Variants in PDE9A observed in about 807,000 individuals in gnomAD.
PDE9A encodes phosphodiesterase 9A, also known as high affinity cGMP-specific 3',5'-cyclic phosphodiesterase 9A.
In PDE9A, 60 loss-of-function variants were observed where a neutral mutation model predicts 87.4. That is an observed-to-expected ratio of 0.69 (90% CI 0.56 to 0.85). PDE9A has a LOEUF of 0.85. Among genes scored for constraint, PDE9A ranks in the 40% least tolerant of loss-of-function variants. The pLI is 0.00. For missense variants in PDE9A, 665 were observed against 779.0 expected (o/e 0.85, Z 1.74); for synonymous variants, 272 against 279.4 (o/e 0.97, Z 0.27).
intron 7 of PDE9A, among the ~76,000 whole-genome samples, chr21:42,742,456 G>GA (rs2053399894): frequency 8.4e-6 from 1 of 119,472 alleles, no homozygotes; most frequent in Non-Finnish European, 1.7e-5. Flanking sequence ...GAAGCTGTCT[G>GA]CTTTTTTTTT....
In PDE9A at chr21:42,760,706, C is replaced by T; in HGVS notation, c.1003-119C>T. ...TCCTCTCCCACCATGCCAGGAGATG[C>T]CAGATGGCTGCAGGGGCCTTTGTCC... On this transcript the variant is annotated intron_variant, in intron 12 of 19. Coordinates refer to ENST00000291539, the MANE Select transcript of PDE9A (RefSeq NM_002606.3). The surrounding 1 kb of genome is among the most constrained non-coding windows in gnomAD (Gnocchi z 5.2). The T allele has an allele frequency of 8.4e-6, 6 of 711,892 alleles. No homozygotes were observed. Among genetic ancestry groups the T allele is most frequent in the Non-Finnish European group, 1.5e-5 (6 of 392,252 alleles). 44.1% of individuals were successfully genotyped at this position (711,892 alleles called of 1,614,324 possible). A position where few individuals can be genotyped will look rare whatever the true frequency, so the allele number is the denominator to read the frequency against.
intron 1 of PDE9A, among the ~76,000 whole-genome samples, chr21:42,661,442 A>C (rs550999250): frequency 9.3e-6 from 1 of 106,974 alleles, no homozygotes; most frequent in Non-Finnish European, 1.7e-5. Context: ...TTCTATCTCC[A>C]TGAAACTGCT....
At chr21:42,678,729 C>A (rs149100385) in intron 1 of PDE9A, among the ~76,000 whole-genome samples, 74 of 152,390 alleles carry the variant, frequency 4.9e-4, no homozygotes, top group Middle Eastern at 3.4e-3. Flanking sequence ...CGGCAAACAG[C>A]ATCGGATGTG....
At chr21:42,684,547 A>G (rs1296932400) in intron 1 of PDE9A, among the ~76,000 whole-genome samples, 3 of 152,190 alleles carry the variant, frequency 2.0e-5, no homozygotes, top group Non-Finnish European at 4.4e-5. Flanking sequence ...GGGTTGGGAG[A>G]AGCAGCCTCT....
At chr21:42,766,131 C>A (rs942060142) in intron 15 of PDE9A, among the ~76,000 whole-genome samples, 1 of 152,150 alleles carries the variant, frequency 6.6e-6, no homozygotes, top group Non-Finnish European at 1.5e-5. Flanking sequence ...AAGTTTGAGA[C>A]CAGTCTGAGC....
intron 4 of PDE9A, among the ~76,000 whole-genome samples, chr21:42,726,606 A>T (rs1387080799): frequency 3.4e-4 from 7 of 20,368 alleles, no homozygotes; most frequent in African/African-American, 3.2e-3. Context: ...ATATATATAT[A>T]TATATATATA....
Position 42,762,054 on chromosome 21 carries a change from T to C in PDE9A, c.1086-29T>C, listed in dbSNP as rs200159721. 4.4e-5 allele frequency: 70 copies of C among 1,602,772 alleles called. No homozygotes were observed. In the African/African-American group the frequency reaches 8.2e-4, roughly 19 times the overall value. On this transcript the variant is annotated intron_variant, in intron 13 of 19. Transcript: ENST00000291539. ...CAGGTACCTGGTGAGGGCGCCTGAGTCTCCCCTCACTCTCTCCTTGCCTCC... is the reference window on the plus strand; with the variant it reads ...CAGGTACCTGGTGAGGGCGCCTGAGCCTCCCCTCACTCTCTCCTTGCCTCC...
chr21:42,673,274 G>A (rs1479077859), intron 1 of PDE9A, among the ~76,000 whole-genome samples: 1 of 152,182 alleles, frequency 6.6e-6, no homozygotes, highest in African/African-American at 2.4e-5. Flanking sequence ...CTTGCACCTA[G>A]AGCAGTGTAC....
intron 1 of PDE9A, among the ~76,000 whole-genome samples, chr21:42,662,891 A>C (rs1389766340): frequency 1.7e-5 from 2 of 119,082 alleles, no homozygotes. Context: ...AGCACACACA[A>C]AAACACACCA....
Position 42,770,732 on chromosome 21 carries a change from G to A in PDE9A, c.1620G>A (p.Leu540=). 2.5e-6 allele frequency: 4 copies of A among 1,614,018 alleles called. No homozygotes were observed. In the South Asian group the frequency reaches 4.4e-5, roughly 18 times the overall value. ...TCCCCATGGTTGAGGAGATCATGCT[G>A]CAGCCACTTTGGGAATCCCGAGATC... ...KLFPMVEEIM[L]QPLWESRDRY... Residue 540 remains leucine (L), a synonymous_variant, in exon 18 of 20, where the codon CTG becomes CTA. Transcript: ENST00000291539.
intron 17 of PDE9A, 62 bp downstream of exon 17, chr21:42,769,217 G>GCACACA (rs927692018): frequency 1.0e-4 from 154 of 1,490,082 alleles, no homozygotes; most frequent in South Asian, 3.0e-4. Context: ...GCACACACAG[G>GCACACA]CACACACACA....
intron 15 of PDE9A, among the ~76,000 whole-genome samples, chr21:42,766,941 C>T (rs1161329901): frequency 6.6e-6 from 1 of 152,138 alleles, no homozygotes; most frequent in African/African-American, 2.4e-5. Flanking sequence ...GACAAGTGAA[C>T]CCAGCTGAAG....
intron 10 of PDE9A, among the ~76,000 whole-genome samples, chr21:42,754,534 G>A (rs1206420575): frequency 6.6e-6 from 1 of 152,222 alleles, no homozygotes; most frequent in Admixed American, 6.5e-5. Flanking sequence ...TGGACATGTG[G>A]GATTCCGGGA....
At chr21:42,713,684 G>A (rs186408182) in intron 4 of PDE9A, among the ~76,000 whole-genome samples, 6 of 151,848 alleles carry the variant, frequency 4.0e-5, no homozygotes, top group Non-Finnish European at 8.8e-5. Context: ...TGGGTTTTTT[G>A]TGTGTGTCTT....
intron 2 of PDE9A, among the ~76,000 whole-genome samples, 161 bp from the exon 3 acceptor site, chr21:42,687,755 GC>G (rs1286746105): frequency 6.6e-6 from 1 of 152,160 alleles, no homozygotes; most frequent in East Asian, 1.9e-4. Flanking sequence ...GAGTCTCAAT[GC>G]CCTGGGGACG....
chr21:42,769,720 G>A (rs879830140), intron 17 of PDE9A, among the ~76,000 whole-genome samples: 4 of 145,150 alleles, frequency 2.8e-5, no homozygotes, highest in Non-Finnish European at 6.0e-5. Context: ...GTACACGCAG[G>A]CACACACGTA....
chr21:42,656,945 G>A lies in PDE9A; in HGVS notation c.69+3062G>A, dbSNP rs942585894. Among the ~76,000 whole-genome samples the A allele has an allele frequency of 9.2e-5, 14 of 152,228 alleles. No homozygotes were observed. In the East Asian group the frequency reaches 9.6e-4, roughly 10 times the overall value. ...AGATTGCCTGGTCAATGAGCCCGCC[G>A]TGTTTATTGAGCATCTACTATGTGC... On this transcript the variant is annotated intron_variant, in intron 1 of 19. Transcript: ENST00000291539.
intron 3 of PDE9A, among the ~76,000 whole-genome samples, chr21:42,698,509 G>T (rs1163440940): frequency 6.6e-6 from 1 of 152,092 alleles, no homozygotes; most frequent in Non-Finnish European, 1.5e-5. Flanking sequence ...GGGGAGGGGG[G>T]TTGACATCAC....
intron 7 of PDE9A, 133 bp from the exon 8 acceptor site, chr21:42,743,643 G>A: frequency 6.5e-6 from 4 of 619,848 alleles, no homozygotes; most frequent in Non-Finnish European, 1.2e-5. Context: ...CGGCAGCCAG[G>A]GCAGGTGTGG....
Sources: allele counts gnomAD v4.1 joint callset (sites outside exome capture counted in the v4.1 genomes callset), GRCh38; gene constraint gnomAD v4.1.1; non-coding constraint Gnocchi (gnomAD v3.1); transcripts MANE v1.5; gene names NCBI Gene and HGNC (gene_info 2026-07-23, HGNC 2026-07-21).